Variants in TMEM178B observed in about 807,000 individuals in gnomAD.
TMEM178B encodes transmembrane protein 178B.
Under a neutral mutation model 31.0 loss-of-function variants are expected in TMEM178B, and 5 were observed. The ratio of observed to expected loss-of-function variants is 0.16; its 90% CI spans 0.08 to 0.34. The LOEUF (loss-of-function observed/expected upper bound fraction) is 0.34, where lower values mean the gene tolerates loss of function less well. TMEM178B is among the 10% of genes least tolerant of loss of function. TMEM178B has a pLI of 1.00. For missense variants in TMEM178B, 275 were observed against 400.3 expected, an observed-to-expected ratio of 0.69 and a Z score of 2.67; for synonymous variants, 164 against 164.0, an observed-to-expected ratio of 1.00 and a Z score of 0.00.
rs930811809 is a variant in TMEM178B at position 141,318,259 on chromosome 7, G to T, written c.496+105555G>T. Among the ~76,000 whole-genome samples, 3 of 152,118 alleles carry T rather than the reference G, an allele frequency of 2.0e-5. No homozygotes were observed. Among genetic ancestry groups the T allele is most frequent in the Non-Finnish European group, 4.4e-5 (3 of 68,014 alleles). ...GTCACACAAGTATATTGAATGTTGA[G>T]CCTGTAAAGATAAAGTATGATGATG... is the stretch of plus-strand genomic sequence containing the variant. On this transcript the variant is annotated intron_variant, in intron 2 of 3. Coordinates refer to ENST00000565468, the MANE Select transcript of TMEM178B (RefSeq NM_001195278.2). This position sits in a 1 kb window ranked among gnomAD's most constrained non-coding sequence, Gnocchi z 4.1.
intron 2 of TMEM178B, among the ~76,000 whole-genome samples, chr7:141,424,791 G>T (rs1801283278): frequency 6.6e-6 from 1 of 152,210 alleles, no homozygotes; most frequent in Non-Finnish European, 1.5e-5. Context: ...ATGTAGGCTT[G>T]TGCATTATTC....
chr7:141,361,954 T>C (rs1193617822), intron 2 of TMEM178B, among the ~76,000 whole-genome samples: 1 of 152,242 alleles, frequency 6.6e-6, no homozygotes, highest in Non-Finnish European at 1.5e-5. Flanking sequence ...AATTTGTCTT[T>C]GTGACACTTT....
At chr7:141,118,125 C>G (rs562103026) in intron 1 of TMEM178B, among the ~76,000 whole-genome samples, 2 of 152,158 alleles carry the variant, frequency 1.3e-5, no homozygotes, top group Non-Finnish European at 2.9e-5. Context: ...TGGTGGGACT[C>G]GATCAGCACT....
chr7:141,457,788 C>A (rs995806613), intron 3 of TMEM178B, among the ~76,000 whole-genome samples: 5 of 152,174 alleles, frequency 3.3e-5, no homozygotes, highest in African/African-American at 1.2e-4. Flanking sequence ...AAACATCCAT[C>A]AGTGTGGAGG....
chr7:141,087,776 A>T (rs1270682451), intron 1 of TMEM178B, among the ~76,000 whole-genome samples: 1 of 152,216 alleles, frequency 6.6e-6, no homozygotes, highest in Admixed American at 6.5e-5. Context: ...TTCAGCCAAG[A>T]GTCCTTATGT....
chr7:141,239,861 C>A (rs571677701), intron 2 of TMEM178B, among the ~76,000 whole-genome samples: 1 of 152,068 alleles, frequency 6.6e-6, no homozygotes, highest in South Asian at 2.1e-4. Context: ...GCTTTGCCCC[C>A]TAGTGTAGGG....
At chr7:141,369,807 C>T (rs1173488580) in intron 2 of TMEM178B, among the ~76,000 whole-genome samples, 2 of 152,112 alleles carry the variant, frequency 1.3e-5, no homozygotes, top group Non-Finnish European at 2.9e-5. Flanking sequence ...TTTTTCAACA[C>T]AACTTTTAAA....
intron 2 of TMEM178B, among the ~76,000 whole-genome samples, chr7:141,374,070 T>C (rs547068230): frequency 9.9e-5 from 15 of 152,184 alleles, no homozygotes; most frequent in Non-Finnish European, 1.6e-4. Context: ...AGATCCACCC[T>C]GTAGCTGATG....
chr7:141,234,743 G>A (rs757344297), intron 2 of TMEM178B, among the ~76,000 whole-genome samples: 5 of 152,118 alleles, frequency 3.3e-5, no homozygotes, highest in African/African-American at 7.2e-5. Flanking sequence ...CTGCACTCTC[G>A]TCTATGTGGC....
intron 2 of TMEM178B, among the ~76,000 whole-genome samples, chr7:141,221,684 C>T (rs958833248): frequency 2.0e-5 from 3 of 152,172 alleles, no homozygotes; most frequent in Non-Finnish European, 2.9e-5. Context: ...AGTCAGAGCA[C>T]CAGTCACAAA....
At chr7:141,216,370 T>C (rs1471773158) in intron 2 of TMEM178B, among the ~76,000 whole-genome samples, 8 of 151,840 alleles carry the variant, frequency 5.3e-5, no homozygotes, top group Non-Finnish European at 1.2e-4. Flanking sequence ...CTTACAAATC[T>C]AATTGTAAAG....
At chr7:141,496,094 A>G in the TMEM178B span, among the ~76,000 whole-genome samples, 1 of 152,174 alleles carries the variant, frequency 6.6e-6, no homozygotes, top group Non-Finnish European at 1.5e-5. Flanking sequence ...GAGCTCTCTC[A>G]AAAAGAGCTC....
At chr7:141,173,646 C>T (rs1261738305) in intron 1 of TMEM178B, among the ~76,000 whole-genome samples, 5 of 152,156 alleles carry the variant, frequency 3.3e-5, no homozygotes, top group Non-Finnish European at 7.3e-5. Flanking sequence ...GAATGTCAAC[C>T]TCAATCAATC....
At chr7:141,178,767 A>G (rs1057321989) in intron 1 of TMEM178B, among the ~76,000 whole-genome samples, 1 of 152,160 alleles carries the variant, frequency 6.6e-6, no homozygotes, top group Non-Finnish European at 1.5e-5. Context: ...ACAACCACAG[A>G]CAACCTCTTG....
intron 2 of TMEM178B, among the ~76,000 whole-genome samples, chr7:141,405,648 G>T (rs922169425): frequency 6.6e-6 from 1 of 152,168 alleles, no homozygotes; most frequent in Non-Finnish European, 1.5e-5. Context: ...CTGACAACTG[G>T]ACTCCTTCAC....
At chr7:141,290,447 A>G (rs1798525816) in intron 2 of TMEM178B, among the ~76,000 whole-genome samples, 1 of 151,858 alleles carries the variant, frequency 6.6e-6, no homozygotes, top group Non-Finnish European at 1.5e-5. Flanking sequence ...GGCCAAACTC[A>G]GTGGCCTCCC....
chr7:141,087,254 A>G (rs1212525348), intron 1 of TMEM178B, among the ~76,000 whole-genome samples: 1 of 152,220 alleles, frequency 6.6e-6, no homozygotes, highest in Non-Finnish European at 1.5e-5. Flanking sequence ...TCCCTAACCA[A>G]CAGTTTTCCT....
chr7:141,133,047 C>T (rs1795618495), intron 1 of TMEM178B, among the ~76,000 whole-genome samples: 1 of 151,978 alleles, frequency 6.6e-6, no homozygotes, highest in South Asian at 2.1e-4. Context: ...CCAAGGTATC[C>T]TACCCAAATA....
chr7:141,359,242 CT>C (rs1447663468), intron 2 of TMEM178B, among the ~76,000 whole-genome samples: 1 of 152,206 alleles, frequency 6.6e-6, no homozygotes, highest in Non-Finnish European at 1.5e-5. Flanking sequence ...TACATTTGGT[CT>C]TAGTGAGATG....
Sources: gnomAD v4.1 joint callset for allele counts (sites outside exome capture counted in the v4.1 genomes callset) on GRCh38, gnomAD v4.1.1 for gene constraint, Gnocchi (gnomAD v3.1) non-coding constraint, MANE v1.5 for transcripts, NCBI Gene and HGNC (gene_info 2026-07-23, HGNC 2026-07-21) for gene names.